The following AUTS2 variants were observed in gnomAD, a reference collection of about 807,000 sequenced individuals.
AUTS2 encodes the protein autism susceptibility gene 2 protein.
In AUTS2, 17 loss-of-function variants were observed where a neutral mutation model predicts 112.4. The ratio of observed to expected loss-of-function variants is 0.15; its 90% CI spans 0.10 to 0.23. The LOEUF is 0.23. Ranked by LOEUF, AUTS2 falls within the 10% of genes least tolerant of loss-of-function variation. The pLI is 1.00. For missense variants in AUTS2, 1,510 were observed against 1,701.6 expected (o/e 0.89, Z 1.98); for synonymous variants, 751 against 702.7 (o/e 1.07, Z -1.09).
At chr7:69,602,588 A>G (rs1211193372) in intron 1 of AUTS2, among the ~76,000 whole-genome samples, 6 of 152,310 alleles carry the variant, frequency 3.9e-5, no homozygotes, top group African/African-American at 1.4e-4. Context: ...ACACAGAAAT[A>G]CTTCTGTATG....
chr7:69,738,462 T>C (rs1209485012), intron 1 of AUTS2, among the ~76,000 whole-genome samples: 1 of 152,188 alleles, frequency 6.6e-6, no homozygotes, highest in Non-Finnish European at 1.5e-5. Context: ...TTAGTCAGCT[T>C]CTGTGAGAGT....
intron 8 of AUTS2, 61 bp downstream of exon 8, chr7:70,765,066 C>T (rs374122014): frequency 1.9e-6 from 3 of 1,594,590 alleles, no homozygotes; most frequent in Middle Eastern, 1.7e-4. Context: ...TGTGACCTCA[C>T]CCTACCTATG....
chr7:70,699,946 C>T (rs1372294617), intron 6 of AUTS2, among the ~76,000 whole-genome samples: 1 of 148,292 alleles, frequency 6.7e-6, no homozygotes, highest in Non-Finnish European at 1.5e-5. Flanking sequence ...GTTTCTGCAG[C>T]CCCCCAGGAC....
At chr7:70,026,120 G>T (rs184904613) in intron 2 of AUTS2, among the ~76,000 whole-genome samples, 1 of 152,190 alleles carries the variant, frequency 6.6e-6, no homozygotes, top group African/African-American at 2.4e-5. Context: ...GCAGCTGCAG[G>T]TCTGGCTCCA....
intron 4 of AUTS2, among the ~76,000 whole-genome samples, chr7:70,297,502 C>T (rs1371447500): frequency 6.6e-6 from 1 of 151,442 alleles, no homozygotes; most frequent in African/African-American, 2.4e-5. Context: ...GCATCTCGGC[C>T]CACTGCAAGC....
intron 4 of AUTS2, among the ~76,000 whole-genome samples, chr7:70,175,211 G>A (rs1808920853): frequency 6.6e-6 from 1 of 152,200 alleles, no homozygotes; most frequent in South Asian, 2.1e-4. Context: ...TGCTGCAGAT[G>A]CATGGAAATA....
intron 1 of AUTS2, among the ~76,000 whole-genome samples, chr7:69,850,968 C>T (rs1258845747): frequency 6.6e-6 from 1 of 152,164 alleles, no homozygotes; most frequent in Non-Finnish European, 1.5e-5. Context: ...TCATCAGAAG[C>T]TTAAGCTTTA....
chr7:70,720,561 A>AAC (rs375065815), intron 6 of AUTS2, among the ~76,000 whole-genome samples: 33 of 151,920 alleles, frequency 2.2e-4, no homozygotes, highest in Middle Eastern at 3.4e-3. Context: ...CATATGTTTT[A>AAC]ACACACACAC....
At chr7:69,816,218 T>C (rs1252525526) in intron 1 of AUTS2, among the ~76,000 whole-genome samples, 2 of 152,204 alleles carry the variant, frequency 1.3e-5, no homozygotes, top group African/African-American at 4.8e-5. Context: ...TTCTGACATC[T>C]CAAAGCTTTA....
At chr7:69,632,457 G>A (rs1794290966) in intron 1 of AUTS2, among the ~76,000 whole-genome samples, 1 of 152,014 alleles carries the variant, frequency 6.6e-6, no homozygotes, top group Non-Finnish European at 1.5e-5. Flanking sequence ...ACGTAAAAGT[G>A]GATTATGAGG....
At chr7:70,097,945 A>G (rs1804286932) in intron 2 of AUTS2, among the ~76,000 whole-genome samples, 1 of 152,200 alleles carries the variant, frequency 6.6e-6, no homozygotes, top group African/African-American at 2.4e-5. Flanking sequence ...ATTTGAAAGC[A>G]TTTGCTAATG....
chr7:69,784,100 G>A (rs1007982488), intron 1 of AUTS2, among the ~76,000 whole-genome samples: 8 of 152,162 alleles, frequency 5.3e-5, no homozygotes, highest in East Asian at 1.9e-4. Flanking sequence ...AAATGACACC[G>A]AACGTTGTCT....
At chr7:69,715,312 G>C (rs1227718692) in intron 1 of AUTS2, among the ~76,000 whole-genome samples, 1 of 150,746 alleles carries the variant, frequency 6.6e-6, no homozygotes, top group Non-Finnish European at 1.5e-5. Context: ...GAAGAATTTT[G>C]AGTGGTTAAA....
intron 6 of AUTS2, among the ~76,000 whole-genome samples, chr7:70,712,289 C>A (rs1810103703): frequency 6.8e-6 from 1 of 147,506 alleles, no homozygotes; most frequent in African/African-American, 2.5e-5. Context: ...TCAAAATGAA[C>A]CGCCCACCTC....
At chr7:70,511,719 G>A (rs953923772) in intron 5 of AUTS2, among the ~76,000 whole-genome samples, 1 of 151,668 alleles carries the variant, frequency 6.6e-6, no homozygotes, top group African/African-American at 2.4e-5. Flanking sequence ...GGGATTACAA[G>A]CATGCGCCAC....
intron 5 of AUTS2, among the ~76,000 whole-genome samples, chr7:70,691,476 T>C (rs574997868): frequency 6.6e-4 from 101 of 152,092 alleles, no homozygotes; most frequent in African/African-American, 2.4e-3. Flanking sequence ...CTGGATTCAG[T>C]CCCTAATATA....
intron 17 of AUTS2, 53 bp downstream of exon 17, chr7:70,786,091 T>C: frequency 6.8e-7 from 1 of 1,477,492 alleles, no homozygotes; most frequent in South Asian, 1.1e-5. Flanking sequence ...TCTCCTGTGA[T>C]CCGCATATGG....
chr7:70,275,337 A>G lies in AUTS2; in HGVS notation c.660+140766A>G, dbSNP rs559975433. Among the ~76,000 whole-genome samples, 10 of 152,354 alleles carry G rather than the reference A, an allele frequency of 6.6e-5. No homozygotes were observed. The South Asian group carries it at 1.9e-3, about 28-fold the overall frequency. ...ATAAATATTGTGGGATTTCACTGCT[A>G]TGAGGTACCTAGAGTAGTCAAACTC... On this transcript the variant is annotated intron_variant, in intron 4 of 18. Transcript: ENST00000342771.
chr7:69,824,101 C>T (rs1791127003), intron 1 of AUTS2, among the ~76,000 whole-genome samples: 1 of 151,856 alleles, frequency 6.6e-6, no homozygotes, highest in African/African-American at 2.4e-5. Flanking sequence ...GATGTAAGTA[C>T]TCAAATTATA....
Sources: gnomAD v4.1 joint callset for allele counts (sites outside exome capture counted in the v4.1 genomes callset) on GRCh38, gnomAD v4.1.1 for gene constraint, MANE v1.5 for transcripts, NCBI Gene and HGNC (gene_info 2026-07-23, HGNC 2026-07-21) for gene names.